The following PREX1 variants were observed in gnomAD, a reference collection of about 807,000 sequenced individuals.
PREX1 encodes phosphatidylinositol 3,4,5-trisphosphate-dependent Rac exchanger 1 protein.
A neutral mutation model predicts 198.3 loss-of-function variants in PREX1; 41 were observed. The observed-to-expected ratio is 0.21, with a 90% confidence interval of 0.16 to 0.27. The LOEUF is 0.27. Ranked by LOEUF, PREX1 falls within the 10% of genes least tolerant of loss-of-function variation. The pLI, the probability that PREX1 is intolerant of heterozygous loss-of-function variation, is 1.00. For missense variants in PREX1, 1,620 were observed against 2,200.7 expected (o/e 0.74, Z 5.28); for synonymous variants, 843 against 887.2 (o/e 0.95, Z 0.89).
chr20:48,752,043 T>C (rs1409056207), intron 1 of PREX1, among the ~76,000 whole-genome samples: 2 of 152,180 alleles, frequency 1.3e-5, no homozygotes, highest in Admixed American at 1.3e-4. Flanking sequence ...TATATCTTGA[T>C]CTGAGCAGTG....
intron 1 of PREX1, among the ~76,000 whole-genome samples, chr20:48,797,392 T>G (rs1170029065): frequency 1.3e-5 from 2 of 149,256 alleles, no homozygotes; most frequent in African/African-American, 5.0e-5. Flanking sequence ...GCTGGCCATT[T>G]CCCCAGGGCT....
chr20:48,711,666 G>A (rs1357655054), intron 5 of PREX1, among the ~76,000 whole-genome samples: 3 of 152,220 alleles, frequency 2.0e-5, no homozygotes, highest in Admixed American at 6.5e-5. Flanking sequence ...ACACTACAAT[G>A]ACAGATTGTA....
At chr20:48,786,768 G>GA (rs967072653) in intron 1 of PREX1, among the ~76,000 whole-genome samples, 6 of 119,358 alleles carry the variant, frequency 5.0e-5, no homozygotes, top group Non-Finnish European at 9.1e-5. Flanking sequence ...AGAAAGAAAA[G>GA]AAAAAAAAGA....
chr20:48,635,662 G>A (rs984223340), intron 32 of PREX1, among the ~76,000 whole-genome samples: 3 of 151,128 alleles, frequency 2.0e-5, no homozygotes, highest in African/African-American at 7.3e-5. Context: ...CAGAGAAGCT[G>A]CAGTGCCCGC....
At chr20:48,847,879 TG>T in the PREX1 span, among the ~76,000 whole-genome samples, 2 of 152,228 alleles carry the variant, frequency 1.3e-5, no homozygotes, top group Non-Finnish European at 2.9e-5. Context: ...TGCTTTTTTG[TG>T]TCTGGTTTCT....
chr20:48,858,322 T>G, the PREX1 span, among the ~76,000 whole-genome samples: 1 of 152,240 alleles, frequency 6.6e-6, no homozygotes, highest in South Asian at 2.1e-4. Context: ...CCCACAGCCC[T>G]GATTTCCCAC....
At chr20:48,857,171 T>C in the PREX1 span, among the ~76,000 whole-genome samples, 1 of 152,148 alleles carries the variant, frequency 6.6e-6, no homozygotes, top group South Asian at 2.1e-4. Context: ...TTGCCACCCA[T>C]GGTGTATAAG....
chr20:48,629,301 T>C (rs967337887), intron 37 of PREX1, 148 bp downstream of exon 37: 6 of 1,117,640 alleles, frequency 5.4e-6, no homozygotes, highest in Non-Finnish European at 7.6e-6. Flanking sequence ...ACAGACAAAC[T>C]GAGGTGCAGA....
At chr20:48,731,699 T>C (rs916017281) in intron 4 of PREX1, among the ~76,000 whole-genome samples, 101 of 152,356 alleles carry the variant, frequency 6.6e-4, no homozygotes, top group African/African-American at 2.3e-3. Flanking sequence ...ACAGCTCTTC[T>C]GCACGTGGCC....
intron 1 of PREX1, among the ~76,000 whole-genome samples, chr20:48,789,373 TAAC>T (rs1177271889): frequency 3.9e-5 from 6 of 152,220 alleles, no homozygotes; most frequent in African/African-American, 7.2e-5. Context: ...ATGATGGTAA[TAAC>T]AACATCATCA....
At chr20:48,628,012 T>C in intron 37 of PREX1, 49 bp from the exon 38 acceptor site, 74 of 738,018 alleles carry the variant, frequency 1.0e-4, no homozygotes, top group Non-Finnish European at 1.5e-4. Flanking sequence ...GGGACAGGGG[T>C]CGGGGGAGGA....
Position 48,734,458 on chromosome 20 carries a change from A to G in PREX1, c.519+88T>C, listed in dbSNP as rs969230750. The G allele has an allele frequency of 6.1e-6, 7 of 1,139,548 alleles. No homozygotes were observed. In the African/African-American group the frequency reaches 1.1e-4, roughly 17 times the overall value. The allele number at this position is 1,139,548 out of a possible 1,614,324, so 70.6% of individuals were successfully genotyped here. ...CCAGCCAAGGAAAGGATTTGGCACC[A>G]TGGGGCAGCATGAAGTCCTCTTGTG... On this transcript the variant is annotated intron_variant, in intron 4 of 39. Transcript: ENST00000371941.
chr20:48,711,330 T>G (rs1163644548), intron 5 of PREX1, among the ~76,000 whole-genome samples: 1 of 152,178 alleles, frequency 6.6e-6, no homozygotes. Flanking sequence ...GACCGTGATC[T>G]TATGACCATA....
intron 5 of PREX1, among the ~76,000 whole-genome samples, chr20:48,713,741 C>A (rs1337070743): frequency 8.0e-6 from 1 of 125,306 alleles, no homozygotes; most frequent in Non-Finnish European, 1.6e-5. Flanking sequence ...TCTCTATTAT[C>A]TCTTTTAAAA....
intron 30 of PREX1, among the ~76,000 whole-genome samples, chr20:48,639,357 G>A (rs951949336): frequency 1.3e-5 from 2 of 152,176 alleles, no homozygotes; most frequent in East Asian, 1.9e-4. Flanking sequence ...CTGCAGCATC[G>A]AAACCTATCT....
chr20:48,651,933 T>C (rs762074696), intron 21 of PREX1, among the ~76,000 whole-genome samples: 1 of 152,168 alleles, frequency 6.6e-6, no homozygotes, highest in Admixed American at 6.5e-5. Context: ...GAAATGATAG[T>C]GGCTTGGACC....
chr20:48,847,829 A>G, the PREX1 span, among the ~76,000 whole-genome samples: 1 of 152,158 alleles, frequency 6.6e-6, no homozygotes, highest in Non-Finnish European at 1.5e-5. Flanking sequence ...ATTTCTATAA[A>G]TTAGTTTTGC....
chr20:48,768,630 C>T (rs768180877), intron 1 of PREX1, among the ~76,000 whole-genome samples: 2 of 152,190 alleles, frequency 1.3e-5, no homozygotes, highest in East Asian at 1.9e-4. Context: ...CCCGTCTCTG[C>T]TAAAAATATA....
intron 1 of PREX1, among the ~76,000 whole-genome samples, chr20:48,790,871 C>G (rs191666977): frequency 6.6e-6 from 1 of 152,154 alleles, no homozygotes; most frequent in Non-Finnish European, 1.5e-5. Flanking sequence ...CCCAACATCC[C>G]CAGCAGCAGC....
Sources: allele counts gnomAD v4.1 joint callset (sites outside exome capture counted in the v4.1 genomes callset), GRCh38; gene constraint gnomAD v4.1.1; transcripts MANE v1.5; gene names NCBI Gene and HGNC (gene_info 2026-07-23, HGNC 2026-07-21).